The following PIK3R2 variants were observed in gnomAD, a reference collection of about 807,000 sequenced individuals.
PIK3R2 encodes phosphoinositide-3-kinase regulatory subunit 2.
Under a neutral mutation model 78.5 loss-of-function variants are expected in PIK3R2, and 40 were observed. The observed-to-expected ratio is 0.51, with a 90% CI of 0.40 to 0.66. The LOEUF (loss-of-function observed/expected upper bound fraction) is 0.66. Among genes scored for constraint, PIK3R2 ranks in the 30% least tolerant of loss-of-function variants. The pLI is 0.00. For synonymous variants in PIK3R2, 473 were observed against 457.7 expected, an observed-to-expected ratio of 1.03 and a Z score of -0.43; for missense variants, 880 against 1,026.6, an observed-to-expected ratio of 0.86 and a Z score of 1.95.
intron 9 of PIK3R2, 26 bp downstream of exon 9, chr19:18,162,532 A>G: frequency 6.3e-7 from 1 of 1,588,274 alleles, no homozygotes; most frequent in South Asian, 1.1e-5. Flanking sequence ...TGCAAGGATA[A>G]CCGGGGGTCA....
At chr19:18,157,126 G>A (rs2043685412) in intron 2 of PIK3R2, among the ~76,000 whole-genome samples, 1 of 152,234 alleles carries the variant, frequency 6.6e-6, no homozygotes, top group African/African-American at 2.4e-5. Context: ...GTGCCAGGGT[G>A]ACATTGCCCA....
At position 18,161,875 on chromosome 19, in the gene PIK3R2, C is replaced by A; in HGVS notation, c.816-91C>A. The stretch of plus-strand genomic sequence containing the variant: ...CCTGCACATACTGTCTCGTATATAC[C>A]CCCAGGCGTGCAAGCGCACGCACAA... On this transcript the variant is annotated intron_variant, in intron 6 of 15. Transcript: ENST00000222254. This position sits in a 1 kb window ranked among gnomAD's most constrained non-coding sequence, Gnocchi z 5.3. 2 of 1,053,232 alleles carry A rather than the reference C, an allele frequency of 1.9e-6. No homozygotes were observed. Among genetic ancestry groups the A allele is most frequent in the Non-Finnish European group, 2.9e-6 (2 of 679,626 alleles). The allele number at this position is 1,053,232 out of a possible 1,614,324, so 65.2% of individuals were successfully genotyped here.
rs753702580 is a variant in PIK3R2 at position 18,160,521 on chromosome 19, C to T, written c.373C>T (p.Pro125Ser). 18 of 1,613,908 alleles carry T rather than the reference C, an allele frequency of 1.1e-5. No homozygotes were observed. The highest frequency in any genetic ancestry group is 1.5e-5 in the Non-Finnish European group (18 of 1,179,842). Reference sequence around the variant, plus strand: ...GCAGTTCTCCCCACCTGATGTGGCTCCCCCTCTTCTGGTGAAGCTTGTGGA... The same window carrying T: ...GCAGTTCTCCCCACCTGATGTGGCTTCCCCTCTTCTGGTGAAGCTTGTGGA... ...PEQFSPPDVA[P>S]PLLVKLVEAI... The change falls in exon 3 of 16, where the codon CCC becomes TCC. Residue 125 changes from proline to serine, a missense_variant. Coordinates refer to ENST00000222254, the MANE Select transcript of PIK3R2 (RefSeq NM_005027.4).
chr19:18,159,951 G>A (rs1215232697), intron 2 of PIK3R2, among the ~76,000 whole-genome samples: 1 of 152,168 alleles, frequency 6.6e-6, no homozygotes, highest in Non-Finnish European at 1.5e-5. Context: ...TGTTGGTCAG[G>A]CTGGTTCGAA....
intron 12 of PIK3R2, among the ~76,000 whole-genome samples, chr19:18,166,856 C>T (rs932753075): frequency 1.3e-5 from 2 of 151,804 alleles, no homozygotes; most frequent in Non-Finnish European, 2.9e-5. Flanking sequence ...CCCTGGAGGC[C>T]GGGTGCAGTG....
Position 18,161,206 on chromosome 19 carries a change from G to C in PIK3R2, c.598+21G>C, listed in dbSNP as rs1026825273. The C allele has an allele frequency of 6.5e-7, 1 of 1,535,916 alleles. No homozygotes were observed. The highest frequency in any genetic ancestry group is 1.2e-5 in the South Asian group (1 of 82,910). The stretch of plus-strand genomic sequence containing the variant: ...GCGGGGTGAGCCTGGCGGGTAGCCC[G>C]GGGGAAGGAGGGGGCTGTAGCGGGT... On this transcript the variant is annotated intron_variant, in intron 5 of 15. Coordinates refer to ENST00000222254, the MANE Select transcript of PIK3R2 (RefSeq NM_005027.4). The surrounding 1 kb of genome is among the most constrained non-coding windows in gnomAD (Gnocchi z 5.3).
rs1280299137 is a variant in PIK3R2 at position 18,168,009 on chromosome 19, T to C, written c.1737-466T>C. On this transcript the variant is annotated intron_variant, in intron 13 of 15. Coordinates refer to ENST00000222254, the MANE Select transcript of PIK3R2 (RefSeq NM_005027.4). This position sits in a 1 kb window ranked among gnomAD's most constrained non-coding sequence, Gnocchi z 4.1. ...ACCTCAGCCAGAGCCTCCACCTCCC[T>C]CTTGGGCCTCAGGGAGGGCACTGTC... is the stretch of plus-strand genomic sequence containing the variant. Among the ~76,000 whole-genome samples, 1 of 152,086 alleles carries C rather than the reference T, an allele frequency of 6.6e-6. No individual in the cohort carries two copies. Among genetic ancestry groups the C allele is most frequent in the African/African-American group, 2.4e-5 (1 of 41,414 alleles).
At position 18,169,333 on chromosome 19, in the gene PIK3R2, C is replaced by T; in HGVS notation, c.*39C>T. The T allele has an allele frequency of 3.2e-6, 4 of 1,250,072 alleles. No homozygotes were observed. In the South Asian group the frequency reaches 7.9e-5, roughly 25 times the overall value. 77.4% of individuals were successfully genotyped at this position (1,250,072 alleles called of 1,614,324 possible). On this transcript the variant is annotated 3_prime_UTR_variant, in exon 16 of 16. Transcript: ENST00000222254. The stretch of plus-strand genomic sequence containing the variant: ...GCCCCAAGCAGAGCCGCCCCTGGGC[C>T]CGTCTGCGCCGGAGGCTGCGGCGGC...
Position 18,156,169 on chromosome 19 carries a change from C to T in PIK3R2, c.290C>T (p.Pro97Leu). Reference sequence around the variant, plus strand: ...CGCCCACGGGGCCCCCGCCCACTGCCCGCCAGGCCCCGTGATGGGGCCCCT... The same window carrying T: ...CGCCCACGGGGCCCCCGCCCACTGCTCGCCAGGCCCCGTGATGGGGCCCCT... Reference protein sequence around the residue: ...GPRPRGPRPLPARPRDGAPEP... With the variant: ...GPRPRGPRPLLARPRDGAPEP... Residue 97 changes from proline (P) to leucine (L), a missense_variant, in exon 2 of 16, where the codon CCC becomes CTC. Transcript: ENST00000222254. This position sits in a 1 kb window ranked among gnomAD's most constrained non-coding sequence, Gnocchi z 4.2. The T allele has an allele frequency of 6.9e-7, 1 of 1,451,190 alleles. No homozygotes were observed. The highest frequency in any genetic ancestry group is 9.0e-7 in the Non-Finnish European group (1 of 1,106,974). 89.9% of individuals were successfully genotyped at this position (1,451,190 alleles called of 1,614,324 possible).
Position 18,168,861 on chromosome 19 carries a change from G to A in PIK3R2, c.1944G>A (p.Glu648=), listed in dbSNP as rs1269271296. The change falls in exon 15 of 16, where the codon GAG becomes GAA. Residue 648 remains glutamate (E), a synonymous_variant. Coordinates refer to ENST00000222254, the MANE Select transcript of PIK3R2 (RefSeq NM_005027.4). The surrounding 1 kb of genome is among the most constrained non-coding windows in gnomAD (Gnocchi z 4.1). ...GGGATGGCACCTTCCTCATCCGCGA[G>A]AGCAGCCAGCGGGGCTGCTACGCCT... ...GKRDGTFLIR[E]SSQRGCYACS... 7 of 1,613,622 alleles carry A rather than the reference G, an allele frequency of 4.3e-6. No individual in the cohort carries two copies. The highest frequency in any genetic ancestry group is 5.9e-6 in the Non-Finnish European group (7 of 1,179,800).
chr19:18,165,690 T>G (rs1167811071), intron 11 of PIK3R2, among the ~76,000 whole-genome samples: 2 of 152,186 alleles, frequency 1.3e-5, no homozygotes, highest in African/African-American at 2.4e-5. Flanking sequence ...TACTGATGTG[T>G]TAGCTGAGGC....
Position 18,169,239 on chromosome 19 carries a change from C to G in PIK3R2, c.2132C>G (p.Thr711Ser), listed in dbSNP as rs760029112. 7 of 1,587,440 alleles carry G rather than the reference C, an allele frequency of 4.4e-6. No homozygotes were observed. Among genetic ancestry groups the G allele is most frequent in the Non-Finnish European group, 5.1e-6 (6 of 1,173,932 alleles). The change falls in exon 16 of 16, where the codon ACC becomes AGC. Residue 711 changes from threonine to serine, a missense_variant. Thr to Ser is a moderately conservative substitution (Grantham distance 58). Transcript: ENST00000222254. ...CAGCACAACGACGCGCTCACCGTCA[C>G]CCTGGCGCACCCAGTGCGCGCCCCG... ...LVQHNDALTVTLAHPVRAPGP... is the reference protein window; with the variant it reads ...LVQHNDALTVSLAHPVRAPGP...
chr19:18,157,605 CG>C (rs2043691156), intron 2 of PIK3R2, among the ~76,000 whole-genome samples: 1 of 152,150 alleles, frequency 6.6e-6, no homozygotes, highest in Non-Finnish European at 1.5e-5. Flanking sequence ...CCTGCAAAGT[CG>C]GGGTGATGCA....
chr19:18,159,131 T>TGC (rs1389455045), intron 2 of PIK3R2, among the ~76,000 whole-genome samples: 1 of 143,546 alleles, frequency 7.0e-6, no homozygotes, highest in Non-Finnish European at 1.5e-5. Flanking sequence ...AGTGAGCCAC[T>TGC]GCGCCTGGCC....
Position 18,155,972 on chromosome 19 carries a change from G to T in PIK3R2, c.93G>T (p.Leu31=), listed in dbSNP as rs1244289163. 6.4e-7 allele frequency: 1 copy of T among 1,565,004 alleles called. No individual in the cohort carries two copies. Among genetic ancestry groups the T allele is most frequent in the Non-Finnish European group, 8.7e-7 (1 of 1,155,250 alleles). The change falls in exon 2 of 16, where the codon CTG becomes CTT. Residue 31 remains leucine (L), a synonymous_variant. Transcript: ENST00000222254. ...EDLELLPGDV[L]VVSRAALQAL... The stretch of plus-strand genomic sequence containing the variant: ...TGGAGCTGCTGCCCGGCGACGTGCT[G>T]GTAGTGAGCCGGGCGGCCTTGCAGG...
In PIK3R2 at chr19:18,167,382, A is replaced by C; in HGVS notation, c.1736+76A>C. On this transcript the variant is annotated intron_variant, in intron 13 of 15. Coordinates refer to ENST00000222254, the MANE Select transcript of PIK3R2 (RefSeq NM_005027.4). This position sits in a 1 kb window ranked among gnomAD's most constrained non-coding sequence, Gnocchi z 4.5. ...ACATGGAGATCTCTCTAGGAGTCTCAGTCTCTCTCTCTCCACCAAGTGGCC... is the reference window on the plus strand; with the variant it reads ...ACATGGAGATCTCTCTAGGAGTCTCCGTCTCTCTCTCTCCACCAAGTGGCC... The C allele has an allele frequency of 7.8e-7, 1 of 1,274,398 alleles. No individual in the cohort carries two copies. The highest frequency in any genetic ancestry group is 1.1e-6 in the Non-Finnish European group (1 of 944,446). 78.9% of individuals were successfully genotyped at this position (1,274,398 alleles called of 1,614,324 possible). A position where few individuals can be genotyped will look rare whatever the true frequency, so the allele number is the denominator to read the frequency against.
rs966946762 is a variant in PIK3R2 at position 18,168,061 on chromosome 19, G to A, written c.1737-414G>A. 4.6e-5 allele frequency among the ~76,000 whole-genome samples: 7 copies of A among 152,092 alleles called. No individual in the cohort carries two copies. Among genetic ancestry groups the A allele is most frequent in the African/African-American group, 9.7e-5 (4 of 41,414 alleles). On this transcript the variant is annotated intron_variant, in intron 13 of 15. Transcript: ENST00000222254. This position sits in a 1 kb window ranked among gnomAD's most constrained non-coding sequence, Gnocchi z 4.1. ...CGTGCCAGGTGCTGTGCTAAGCACC[G>A]TGCTCGTTATGAGTTCATTTGGTCC...
At position 18,156,532 on chromosome 19, in the gene PIK3R2, C is replaced by T. The variant is rs1274509358; in HGVS notation, c.322+331C>T. ...TGGAGTAGAACTCTAATGGCGGGAA[C>T]GGCCAGCAGGAGGACCAGAGGGAGG... On this transcript the variant is annotated intron_variant, in intron 2 of 15. Transcript: ENST00000222254. This position sits in a 1 kb window ranked among gnomAD's most constrained non-coding sequence, Gnocchi z 4.2. 2.0e-5 allele frequency among the ~76,000 whole-genome samples: 3 copies of T among 151,990 alleles called. No individual in the cohort carries two copies. Among genetic ancestry groups the T allele is most frequent in the African/African-American group, 2.4e-5 (1 of 41,378 alleles).
rs550937985 is a variant in PIK3R2, at chr19:18,156,461, C to T, written c.322+260C>T. 8.9e-4 allele frequency among the ~76,000 whole-genome samples: 136 copies of T among 152,036 alleles called. 1 individual carries two copies. The highest frequency in any genetic ancestry group is 3.2e-3 in the African/African-American group (132 of 41,476). On this transcript the variant is annotated intron_variant, in intron 2 of 15. Coordinates refer to ENST00000222254, the MANE Select transcript of PIK3R2 (RefSeq NM_005027.4). This position sits in a 1 kb window ranked among gnomAD's most constrained non-coding sequence, Gnocchi z 4.2. ...GGAAGGGGGCTTGCGTGGGAAGATG[C>T]GAGGGTGGAAGCTCAAGGCAGTGGG...
Sources: allele counts gnomAD v4.1 joint callset (sites outside exome capture counted in the v4.1 genomes callset), GRCh38; gene constraint gnomAD v4.1.1; non-coding constraint Gnocchi (gnomAD v3.1); transcripts MANE v1.5; gene names NCBI Gene and HGNC (gene_info 2026-07-23, HGNC 2026-07-21).